Variants in GTF2A1L observed in about 807,000 individuals in gnomAD.
The protein encoded by GTF2A1L is general transcription factor IIA subunit 1 like.
Under a neutral mutation model 49.7 loss-of-function variants are expected in GTF2A1L, and 48 were observed. That is an observed-to-expected ratio of 0.97 (90% CI 0.77 to 1.23). The LOEUF is 1.23. Among genes scored for constraint, GTF2A1L ranks in the 50% most tolerant of loss-of-function variants. The pLI is 0.00. For synonymous variants in GTF2A1L, 246 were observed against 193.5 expected, an observed-to-expected ratio of 1.27 and a Z score of -2.25; for missense variants, 736 against 564.8, an observed-to-expected ratio of 1.30 and a Z score of -3.07.
intron 3 of GTF2A1L, among the ~76,000 whole-genome samples, chr2:48,622,930 A>T (rs1293163320): frequency 6.8e-5 from 1 of 14,702 alleles, no homozygotes; most frequent in Non-Finnish European, 1.1e-4. Flanking sequence ...ATTACCAGTG[A>T]TTTAAATAAC....
At chr2:48,664,504 C>T (rs1230310223) in intron 6 of GTF2A1L, among the ~76,000 whole-genome samples, 1 of 151,976 alleles carries the variant, frequency 6.6e-6, no homozygotes, top group African/African-American at 2.4e-5. Context: ...CTTCTATGTT[C>T]ATGAGGAGTA....
chr2:48,662,676 A>G (rs1344521900), intron 6 of GTF2A1L, among the ~76,000 whole-genome samples: 2 of 142,814 alleles, frequency 1.4e-5, no homozygotes, highest in African/African-American at 5.3e-5. Context: ...TTTTTTTAAC[A>G]CTTTAAATAT....
At chr2:48,651,513 C>G (rs1677846004) in intron 6 of GTF2A1L, among the ~76,000 whole-genome samples, 1 of 148,594 alleles carries the variant, frequency 6.7e-6, no homozygotes, top group Admixed American at 6.8e-5. Flanking sequence ...ATTTGGTACT[C>G]TATACCATTG....
chr2:48,673,258 C>G (rs1679268787), intron 8 of GTF2A1L, among the ~76,000 whole-genome samples: 1 of 152,030 alleles, frequency 6.6e-6, no homozygotes, highest in Non-Finnish European at 1.5e-5. Context: ...CTTTTCCTTA[C>G]CCATTGCTAT....
At position 48,621,215 on chromosome 2, in the gene GTF2A1L, A is replaced by C; in HGVS notation, c.172A>C (p.Arg58=). The C allele has an allele frequency of 1.2e-6, 2 of 1,614,160 alleles. No homozygotes were observed. Among genetic ancestry groups the C allele is most frequent in the Non-Finnish European group, 8.5e-7 (1 of 1,180,018 alleles). Residue 58 remains arginine, a synonymous_variant, in exon 3 of 9, where the codon AGA becomes CGA. Coordinates refer to ENST00000403751, the MANE Select transcript of GTF2A1L (RefSeq NM_006872.5). ...LQSKATEDFF[R]NSIQSPLFTL... ...GTCTAAAGCAACAGAAGACTTCTTC[A>C]GAAATAGCATCCAATCACCTCTGTT...
At chr2:48,670,420 T>C (rs1405700840) in intron 7 of GTF2A1L, among the ~76,000 whole-genome samples, 1 of 152,152 alleles carries the variant, frequency 6.6e-6, no homozygotes, top group Non-Finnish European at 1.5e-5. Flanking sequence ...ATTTAAACTT[T>C]TAATCTTCAA....
intron 6 of GTF2A1L, among the ~76,000 whole-genome samples, chr2:48,665,367 G>A (rs922917130): frequency 1.2e-4 from 17 of 144,376 alleles, no homozygotes; most frequent in African/African-American, 3.3e-4. Context: ...GTTTACTTTG[G>A]ACTTATTTTG....
At chr2:48,621,366 A>G in intron 3 of GTF2A1L, 76 bp downstream of exon 3, 1 of 1,602,312 alleles carries the variant, frequency 6.2e-7, no homozygotes, top group East Asian at 2.2e-5. Flanking sequence ...TTTCAGTTAG[A>G]CAGGGTAATG....
At chr2:48,637,217 A>G (rs1194265595) in intron 3 of GTF2A1L, among the ~76,000 whole-genome samples, 1 of 152,218 alleles carries the variant, frequency 6.6e-6, no homozygotes, top group Non-Finnish European at 1.5e-5. Flanking sequence ...TATTATTAAA[A>G]TTTGGATTGG....
chr2:48,629,972 C>G (rs1441039061), intron 3 of GTF2A1L, among the ~76,000 whole-genome samples: 1 of 143,566 alleles, frequency 7.0e-6, no homozygotes, highest in African/African-American at 2.5e-5. Flanking sequence ...TTTCATTGTT[C>G]TATGTTTATG....
intron 3 of GTF2A1L, among the ~76,000 whole-genome samples, chr2:48,629,695 C>T (rs540738896): frequency 6.9e-6 from 1 of 144,196 alleles, no homozygotes; most frequent in South Asian, 2.4e-4. Context: ...CTGAAGTTTG[C>T]TTCAAGGTTA....
intron 8 of GTF2A1L, among the ~76,000 whole-genome samples, chr2:48,676,983 C>T (rs1679502540): frequency 1.3e-5 from 2 of 150,676 alleles, no homozygotes; most frequent in South Asian, 2.1e-4. Flanking sequence ...AAATCTATTT[C>T]GTCCCTAATG....
At chr2:48,622,185 ACTT>A (rs1018690988) in intron 3 of GTF2A1L, among the ~76,000 whole-genome samples, 3 of 152,226 alleles carry the variant, frequency 2.0e-5, no homozygotes, top group Admixed American at 1.3e-4. Context: ...GGATGCTTGT[ACTT>A]CTTCTATTAC....
chr2:48,620,924 A>G lies in GTF2A1L; in HGVS notation c.95A>G (p.Glu32Gly). 1.9e-6 allele frequency: 3 copies of G among 1,606,632 alleles called. No individual in the cohort carries two copies. Among genetic ancestry groups the G allele is most frequent in the Non-Finnish European group, 1.7e-6 (2 of 1,177,196 alleles). The change falls in exon 2 of 9, where the codon GAG (glutamate) becomes GGG (glycine). Residue 32 changes from glutamate to glycine, a missense_variant. Physicochemically the swap from Glu to Gly is moderately conservative, Grantham distance 98. Transcript: ENST00000403751. Reference protein sequence around the residue: ...VRNLFAEEGIEEQVLKDLKQL... With the variant: ...VRNLFAEEGIGEQVLKDLKQL... ...AATCTATTTGCTGAAGAAGGTATAG[A>G]GGAACAAGTTTTAAAAGACTTGAAG...
chr2:48,643,139 T>G (rs1008462999), intron 4 of GTF2A1L, among the ~76,000 whole-genome samples: 3 of 152,182 alleles, frequency 2.0e-5, no homozygotes, highest in Non-Finnish European at 2.9e-5. Flanking sequence ...CCCTCTAGAA[T>G]GGAGCAACAT....
At chr2:48,638,280 A>G (rs1206448747) in intron 3 of GTF2A1L, among the ~76,000 whole-genome samples, 2 of 152,104 alleles carry the variant, frequency 1.3e-5, no homozygotes, top group African/African-American at 4.8e-5. Flanking sequence ...ACAACAAAGA[A>G]ACCTTCAGGC....
At chr2:48,618,445 G>C (rs766962196) in intron 1 of GTF2A1L, among the ~76,000 whole-genome samples, 29 of 152,102 alleles carry the variant, frequency 1.9e-4, no homozygotes, top group Non-Finnish European at 3.7e-4. Context: ...AGAATTTCTA[G>C]TCTCAGTGGC....
In GTF2A1L at chr2:48,621,286, A is replaced by G. The variant is rs751278042; in HGVS notation, c.243A>G (p.Ser81=). Residue 81 remains serine (S), a synonymous_variant, in exon 3 of 9, where the codon TCA becomes TCG. Transcript: ENST00000403751. ...PHSLHQTLQS[S]TASLVIPAGR... is the part of the protein sequence containing the mutation. ...GCTTGCACCAAACATTGCAATCGTCAACAGGTTGGATACCATTAGTAAATG... is the reference window on the plus strand; with the variant it reads ...GCTTGCACCAAACATTGCAATCGTCGACAGGTTGGATACCATTAGTAAATG... 5.6e-6 allele frequency: 9 copies of G among 1,614,116 alleles called. No homozygotes were observed. The Admixed American group carries it at 1.5e-4, about 27-fold the overall frequency.
chr2:48,671,674 T>G lies in GTF2A1L; in HGVS notation c.1323T>G (p.Tyr441Ter). Residue 441 changes from tyrosine to a stop codon, truncating the protein, a stop_gained, in exon 8 of 9, where the codon TAT becomes TAG. Coordinates refer to ENST00000403751, the MANE Select transcript of GTF2A1L (RefSeq NM_006872.5). LOFTEE classifies it high-confidence loss of function. The part of the protein sequence containing the change: ...FDTDNVIVCQ[Y>*]DKIHRSKNKW... ...CGGATAATGTTATTGTCTGTCAGTA[T>G]GATAAGGTACTGTATTTACCTTTTG... is the stretch of plus-strand genomic sequence containing the variant. The G allele has an allele frequency of 6.2e-7, 1 of 1,613,158 alleles. No homozygotes were observed. Among genetic ancestry groups the G allele is most frequent in the Non-Finnish European group, 8.5e-7 (1 of 1,179,510 alleles).
Sources: allele counts gnomAD v4.1 joint callset (sites outside exome capture counted in the v4.1 genomes callset), GRCh38; gene constraint gnomAD v4.1.1; transcripts MANE v1.5; gene names NCBI Gene and HGNC (gene_info 2026-07-23, HGNC 2026-07-21).